The following MAP3K1 variants were observed in gnomAD, a reference collection of about 807,000 sequenced individuals.
MAP3K1 encodes MAP/ERK kinase kinase 1.
In MAP3K1, 36 loss-of-function variants were observed where a neutral mutation model predicts 144.2. The observed-to-expected ratio is 0.25, with a 90% CI of 0.19 to 0.33. MAP3K1 has a LOEUF of 0.33. Among genes scored for constraint, MAP3K1 ranks in the 10% least tolerant of loss-of-function variants. The pLI is 1.00. For synonymous variants in MAP3K1, 718 were observed against 688.7 expected (o/e 1.04, Z -0.67); for missense variants, 1,650 against 1,881.9 (o/e 0.88, Z 2.28).
At chr5:56,856,967 G>C (rs1240438712) in intron 2 of MAP3K1, among the ~76,000 whole-genome samples, 1 of 152,136 alleles carries the variant, frequency 6.6e-6, no homozygotes, top group Non-Finnish European at 1.5e-5. Flanking sequence ...GTTTGGTGGA[G>C]GGGTAAATGC....
At chr5:56,857,488 G>T (rs776394548) in intron 2 of MAP3K1, among the ~76,000 whole-genome samples, 2 of 151,924 alleles carry the variant, frequency 1.3e-5, no homozygotes, top group Non-Finnish European at 2.9e-5. Context: ...TTTTTATTTT[G>T]TTCTTTTAAA....
rs372106846 is a variant in MAP3K1, at chr5:56,856,693, C to T, written c.576C>T (p.Thr192=). ...TGATCAGGGAGAAACTGAAGGCAAC[C>T]TGTATGCCAGCCTGGAAGCACGAAT... ...ERMIREKLKA[T]CMPAWKHEWL... is the part of the protein sequence containing the mutation. The change falls in exon 2 of 20, where the codon ACC becomes ACT. Residue 192 remains threonine (T), a synonymous_variant. Coordinates refer to ENST00000399503, the MANE Select transcript of MAP3K1 (RefSeq NM_005921.2). The T allele has an allele frequency of 3.3e-5, 53 of 1,613,980 alleles. No individual in the cohort carries two copies. In the African/African-American group the frequency reaches 5.6e-4, roughly 17 times the overall value.
At chr5:56,862,528 C>T (rs1747547291) in intron 3 of MAP3K1, among the ~76,000 whole-genome samples, 1 of 152,100 alleles carries the variant, frequency 6.6e-6, no homozygotes, top group African/African-American at 2.4e-5. Context: ...ACAAAGTTAC[C>T]CCTCATTCTT....
intron 1 of MAP3K1, among the ~76,000 whole-genome samples, chr5:56,819,822 A>G (rs1746100254): frequency 6.6e-6 from 1 of 152,190 alleles, no homozygotes; most frequent in Non-Finnish European, 1.5e-5. Flanking sequence ...GCCTCTTTCT[A>G]TATCCTAAGT....
At chr5:56,877,382 C>T (rs919923205) in intron 10 of MAP3K1, among the ~76,000 whole-genome samples, 3 of 152,102 alleles carry the variant, frequency 2.0e-5, no homozygotes, top group African/African-American at 7.2e-5. Flanking sequence ...GATCCTAGAG[C>T]ACAAAGATTG....
chr5:56,860,043 TG>T (rs113321012), intron 3 of MAP3K1, 128 bp downstream of exon 3: 445 of 820,606 alleles, frequency 5.4e-4, no homozygotes, highest in East Asian at 6.8e-4. Flanking sequence ...CCCCTGAGGA[TG>T]GGGGGGGTGG....
chr5:56,875,534 T>C (rs73759247), intron 10 of MAP3K1, among the ~76,000 whole-genome samples: 3,162 of 152,314 alleles, frequency 0.021, 109 homozygotes, highest in African/African-American at 0.073. Flanking sequence ...TTTTACTTTT[T>C]AGTTTCATTG....
Position 56,882,349 on chromosome 5 carries a change from G to A in MAP3K1, c.3149G>A (p.Arg1050Lys), listed in dbSNP as rs1273847896. ...DKLSPVFTQS[R>K]PLPSSNIHRP... is the part of the protein sequence containing the mutation. The stretch of plus-strand genomic sequence containing the variant: ...CTTTCCCCAGTCTTTACTCAGTCAA[G>A]ACCCTTGCCCTCCAGTAACATACAC... Residue 1050 changes from arginine (R) to lysine (K), a missense_variant, in exon 14 of 20, where the codon AGA (arginine) becomes AAA (lysine). Arg to Lys is a conservative substitution (Grantham distance 26). Around this residue, in one of 6 missense-constraint regions of MAP3K1, gnomAD observed 841 missense variants for 886.5 expected, o/e 0.95. Transcript: ENST00000399503. 1 of 1,614,126 alleles carries A rather than the reference G, an allele frequency of 6.2e-7. No individual in the cohort carries two copies. Among genetic ancestry groups the A allele is most frequent in the Non-Finnish European group, 8.5e-7 (1 of 1,180,040 alleles).
chr5:56,833,093 A>T (rs138590949), intron 1 of MAP3K1, among the ~76,000 whole-genome samples: 1,539 of 152,104 alleles, frequency 0.01, 13 homozygotes, highest in South Asian at 0.03. Context: ...GATGGTCTTG[A>T]TCTCCTGACC....
At chr5:56,820,918 C>T (rs78852235) in intron 1 of MAP3K1, 8,156 of 454,244 alleles carry the variant, frequency 0.018, 96 homozygotes, top group Non-Finnish European at 0.022. Flanking sequence ...ACTATTTCTG[C>T]CTATTTTCTG....
At chr5:56,818,407 ATC>A (rs1385303724) in intron 1 of MAP3K1, among the ~76,000 whole-genome samples, 1 of 152,130 alleles carries the variant, frequency 6.6e-6, no homozygotes, top group Non-Finnish European at 1.5e-5. Flanking sequence ...CAAGAGGAAA[ATC>A]TAAGATTTTG....
At chr5:56,853,996 G>A (rs1258482435) in intron 1 of MAP3K1, among the ~76,000 whole-genome samples, 1 of 152,206 alleles carries the variant, frequency 6.6e-6, no homozygotes, top group Non-Finnish European at 1.5e-5. Flanking sequence ...TTAGGAGCCT[G>A]TTGCTAGTTC....
rs992341517 is a variant in MAP3K1 at position 56,852,490 on chromosome 5, A to G, written c.483-4110A>G. On this transcript the variant is annotated intron_variant, in intron 1 of 19. Transcript: ENST00000399503. ...TCAGGTCACAAATTCATTCTTAGGA[A>G]TGTCTAGAAACCAAAACCAAGAAAC... is the stretch of plus-strand genomic sequence containing the variant. 2.6e-5 allele frequency among the ~76,000 whole-genome samples: 4 copies of G among 152,320 alleles called. No individual in the cohort carries two copies. The South Asian group carries it at 8.3e-4, about 32-fold the overall frequency.
chr5:56,842,091 A>G (rs1746831567), intron 1 of MAP3K1: 2 of 152,232 alleles, frequency 1.3e-5, no homozygotes, highest in African/African-American at 4.8e-5. Flanking sequence ...AGGAACTAAT[A>G]TTAAACAGTT....
chr5:56,817,066 G>C, intron 1 of MAP3K1: 1 of 985,422 alleles, frequency 1.0e-6, no homozygotes, highest in East Asian at 1.1e-4. Flanking sequence ...AGTGCGGTGG[G>C]CTTCGGCTCA....
At chr5:56,864,652 C>T (rs1231170171) in intron 3 of MAP3K1, 82 bp from the exon 4 acceptor site, 7 of 1,458,766 alleles carry the variant, frequency 4.8e-6, no homozygotes, top group South Asian at 3.4e-5. Context: ...GGATTACAGG[C>T]GTGAGCCACC....
chr5:56,884,072 T>C (rs1748305381), intron 15 of MAP3K1, among the ~76,000 whole-genome samples: 2 of 151,922 alleles, frequency 1.3e-5, no homozygotes, highest in African/African-American at 4.8e-5. Flanking sequence ...TTGCTTGAAC[T>C]CAGGAGGTAG....
chr5:56,849,062 T>A (rs1320042550), intron 1 of MAP3K1, among the ~76,000 whole-genome samples: 1 of 152,140 alleles, frequency 6.6e-6, no homozygotes, highest in South Asian at 2.1e-4. Context: ...TAAAACTGAT[T>A]TCAACCGGGT....
In MAP3K1 at chr5:56,866,333, A is replaced by G. The variant is rs1747671022; in HGVS notation, c.1301+356A>G. Among the ~76,000 whole-genome samples, 3 of 152,218 alleles carry G rather than the reference A, an allele frequency of 2.0e-5. No individual in the cohort carries two copies. In the South Asian group the frequency reaches 6.2e-4, roughly 32 times the overall value. On this transcript the variant is annotated intron_variant, in intron 6 of 19. Transcript: ENST00000399503. ...CAAGGCAGGAGGATCGCTTGAACCC[A>G]GGAGTTCAAGTCTCCAGTGACCTAT...
Sources: allele counts gnomAD v4.1 joint callset (sites outside exome capture counted in the v4.1 genomes callset), GRCh38; gene constraint gnomAD v4.1.1; regional missense constraint gnomAD v4.1.1; transcripts MANE v1.5; gene names NCBI Gene and HGNC (gene_info 2026-07-23, HGNC 2026-07-21).